GRM5: variants seen among roughly 807,000 people sequenced by gnomAD.
The protein encoded by GRM5 is metabotropic glutamate receptor 5.
GRM5 carries 19 observed loss-of-function variants against 83.1 expected under a neutral mutation model. The ratio of observed to expected loss-of-function variants is 0.23; its 90% CI spans 0.16 to 0.34. GRM5 has a LOEUF of 0.34. Ranked by LOEUF, GRM5 falls within the 10% of genes least tolerant of loss-of-function variation. The pLI, the probability that GRM5 is intolerant of heterozygous loss-of-function variation, is 1.00. For missense variants in GRM5, 1,160 were observed against 1,588.3 expected (o/e 0.73, Z 4.58); for synonymous variants, 675 against 633.6 (o/e 1.07, Z -0.98).
At chr11:88,653,653 C>T (rs747555965) in intron 3 of GRM5, among the ~76,000 whole-genome samples, 8 of 151,988 alleles carry the variant, frequency 5.3e-5, no homozygotes, top group Admixed American at 6.6e-5. Flanking sequence ...CAGAAAATAA[C>T]CTGGAGATTC....
chr11:89,062,517 A>T (rs1354211099), intron 1 of GRM5, among the ~76,000 whole-genome samples: 1 of 152,272 alleles, frequency 6.6e-6, no homozygotes, highest in African/African-American at 2.4e-5. Context: ...GGTGAAAAGG[A>T]GAAGCTGCCT....
intron 4 of GRM5, among the ~76,000 whole-genome samples, chr11:88,650,616 A>T (rs72639179): frequency 0.021 from 3,159 of 152,146 alleles, 88 homozygotes; most frequent in East Asian, 0.12. Flanking sequence ...ATTGGATTAC[A>T]TAAGAAACTA....
chr11:88,590,653 C>T lies in GRM5; in HGVS notation c.1638G>A (p.Glu546=). Residue 546 remains glutamate, a synonymous_variant, in exon 7 of 10, where the codon GAG becomes GAA. Coordinates refer to ENST00000305447, the MANE Select transcript of GRM5 (RefSeq NM_001143831.3). ...CCAGTTGGCATGCCTTGCATGTGTA[C>T]TCATCAAAGACATACTCATTCTCCT... The part of the protein sequence containing the change: ...PCKENEYVFD[E]YTCKACQLGS... 4 of 1,608,566 alleles carry T rather than the reference C, an allele frequency of 2.5e-6. No individual in the cohort carries two copies. Among genetic ancestry groups the T allele is most frequent in the Non-Finnish European group, 3.4e-6 (4 of 1,175,020 alleles).
chr11:88,679,338 G>T (rs1940417233), intron 3 of GRM5, among the ~76,000 whole-genome samples: 1 of 152,018 alleles, frequency 6.6e-6, no homozygotes, highest in Non-Finnish European at 1.5e-5. Context: ...AGAACACAGA[G>T]AATAACTAGC....
chr11:88,832,963 C>A (rs1380375173), intron 3 of GRM5, among the ~76,000 whole-genome samples: 5 of 151,736 alleles, frequency 3.3e-5, no homozygotes, highest in South Asian at 2.1e-4. Flanking sequence ...ATAAAAACAT[C>A]TTAAATGGAT....
In GRM5 at chr11:88,674,090, A is replaced by G. The variant is rs534667277; in HGVS notation, c.912-20687T>C. On this transcript the variant is annotated intron_variant, in intron 3 of 9. Coordinates refer to ENST00000305447, the MANE Select transcript of GRM5 (RefSeq NM_001143831.3). ...CTAAGAAATGTCAGTGTCAGAGTAA[A>G]GTGAAGAATCATTCAGGGTTGTATT... Among the ~76,000 whole-genome samples, 13 of 151,930 alleles carry G rather than the reference A, an allele frequency of 8.6e-5. 1 individual carries two copies. In the South Asian group the frequency reaches 2.7e-3, roughly 32 times the overall value.
chr11:88,988,002 T>C (rs1028273664), intron 2 of GRM5, among the ~76,000 whole-genome samples: 1 of 151,532 alleles, frequency 6.6e-6, no homozygotes, highest in African/African-American at 2.4e-5. Flanking sequence ...GGAACAAAGC[T>C]GGACGGAGAA....
At chr11:89,016,642 T>C (rs573691214) in intron 2 of GRM5, among the ~76,000 whole-genome samples, 3 of 152,312 alleles carry the variant, frequency 2.0e-5, no homozygotes, top group East Asian at 1.9e-4. Flanking sequence ...GATTTTCTTA[T>C]TGTCAATTAG....
intron 2 of GRM5, among the ~76,000 whole-genome samples, chr11:88,999,045 C>A (rs1293222051): frequency 1.3e-5 from 2 of 152,030 alleles, no homozygotes; most frequent in African/African-American, 4.8e-5. Context: ...ATGTAGAAAG[C>A]TGAAACTGGA....
intron 4 of GRM5, among the ~76,000 whole-genome samples, chr11:88,639,590 C>T (rs1268928807): frequency 6.7e-6 from 1 of 150,038 alleles, no homozygotes; most frequent in Non-Finnish European, 1.5e-5. Flanking sequence ...TCTGCAAGTT[C>T]ATTTTTTTTT....
intron 2 of GRM5, among the ~76,000 whole-genome samples, chr11:89,017,035 T>A (rs1025441526): frequency 1.4e-4 from 22 of 152,172 alleles, no homozygotes; most frequent in African/African-American, 4.1e-4. Context: ...ATTCTCTCAT[T>A]TATGACTACA....
At chr11:88,511,874 C>T (rs949401448) in intron 9 of GRM5, 2 of 152,138 alleles carry the variant, frequency 1.3e-5, no homozygotes, top group South Asian at 2.1e-4. Flanking sequence ...ACAGGTGTTT[C>T]GAAAGGTACA....
chr11:88,878,395 G>A (rs565764093), intron 2 of GRM5, among the ~76,000 whole-genome samples: 146 of 152,172 alleles, frequency 9.6e-4, no homozygotes, highest in African/African-American at 3.4e-3. Context: ...ATACCCCATG[G>A]CCAGGGGGTC....
At chr11:88,924,133 TC>T (rs777532720) in intron 2 of GRM5, among the ~76,000 whole-genome samples, 4 of 13,144 alleles carry the variant, frequency 3.0e-4, no homozygotes, top group South Asian at 6.4e-3. Context: ...ATAGCTATAA[TC>T]AAAAAAAAAA....
intron 3 of GRM5, among the ~76,000 whole-genome samples, chr11:88,796,017 C>T (rs974417549): frequency 1.3e-5 from 2 of 152,162 alleles, no homozygotes; most frequent in Non-Finnish European, 2.9e-5. Context: ...ATGGGTTCAA[C>T]TAATTGGTTC....
chr11:88,694,553 A>AC (rs1554995422), intron 3 of GRM5, among the ~76,000 whole-genome samples: 1 of 147,844 alleles, frequency 6.8e-6, no homozygotes, highest in East Asian at 2.0e-4. Context: ...TTAGAGAACT[A>AC]TTTTTTTTTT....
intron 2 of GRM5, among the ~76,000 whole-genome samples, chr11:88,951,988 C>G (rs1311750116): frequency 6.6e-6 from 1 of 152,162 alleles, no homozygotes; most frequent in African/African-American, 2.4e-5. Flanking sequence ...AAAGAAGATA[C>G]TTCAGGCAGA....
intron 2 of GRM5, among the ~76,000 whole-genome samples, chr11:88,869,754 C>G (rs1049452029): frequency 8.6e-5 from 13 of 151,374 alleles, no homozygotes; most frequent in African/African-American, 3.1e-4. Context: ...GAGCCAACAG[C>G]AGTCATTAGT....
At chr11:88,863,325 G>C (rs1312931747) in intron 2 of GRM5, among the ~76,000 whole-genome samples, 1 of 151,840 alleles carries the variant, frequency 6.6e-6, no homozygotes, top group Non-Finnish European at 1.5e-5. Flanking sequence ...GTTCATTGCA[G>C]CACTATTCAC....
Sources: gnomAD v4.1 joint callset for allele counts (sites outside exome capture counted in the v4.1 genomes callset) on GRCh38, gnomAD v4.1.1 for gene constraint, MANE v1.5 for transcripts, NCBI Gene and HGNC (gene_info 2026-07-23, HGNC 2026-07-21) for gene names.